Variants in UBE2R2 observed in about 807,000 individuals in gnomAD.
The protein encoded by UBE2R2 is ubiquitin-conjugating enzyme E2 R2.
A neutral mutation model predicts 27.8 loss-of-function variants in UBE2R2; 1 was observed. That is an observed-to-expected ratio of 0.04 (90% CI 0.01 to 0.17). UBE2R2 has a LOEUF of 0.17. Among genes scored for constraint, UBE2R2 ranks in the 10% least tolerant of loss-of-function variants. The pLI is 1.00. For missense variants in UBE2R2, 100 were observed against 291.0 expected, an observed-to-expected ratio of 0.34 and a Z score of 4.78; for synonymous variants, 106 against 113.3, an observed-to-expected ratio of 0.94 and a Z score of 0.41.
At position 33,834,176 on chromosome 9, in the gene UBE2R2, C is replaced by T. The variant is rs945733195; in HGVS notation, c.177+16242C>T. On this transcript the variant is annotated intron_variant, in intron 1 of 4. Coordinates refer to ENST00000263228, the MANE Select transcript of UBE2R2 (RefSeq NM_017811.4). Reference sequence around the variant, plus strand: ...CTCAGTGGTTGTTTAGGTGTAGTGACGGATTCTTGGAGCTTCTTTTTTTTT... The same window carrying T: ...CTCAGTGGTTGTTTAGGTGTAGTGATGGATTCTTGGAGCTTCTTTTTTTTT... 3.3e-5 allele frequency among the ~76,000 whole-genome samples: 5 copies of T among 149,308 alleles called. No homozygotes were observed. The East Asian group carries it at 7.8e-4, about 23-fold the overall frequency.
chr9:33,840,496 T>A (rs937265452), intron 1 of UBE2R2, among the ~76,000 whole-genome samples: 14 of 152,244 alleles, frequency 9.2e-5, no homozygotes, highest in Non-Finnish European at 1.9e-4. Flanking sequence ...TACACTCATG[T>A]TGCATCTTTC....
intron 1 of UBE2R2, among the ~76,000 whole-genome samples, chr9:33,856,340 T>C (rs1194686736): frequency 6.6e-6 from 1 of 152,212 alleles, no homozygotes. Flanking sequence ...ACTAGGCTTA[T>C]GATGTGAAAC....
chr9:33,914,760 CAG>C (rs988855323), intron 4 of UBE2R2, among the ~76,000 whole-genome samples: 1 of 150,908 alleles, frequency 6.6e-6, no homozygotes, highest in African/African-American at 2.4e-5. Flanking sequence ...ACCCGGGAGG[CAG>C]AGGTTGCAGT....
rs189268819 is a variant in UBE2R2, at chr9:33,823,857, G to A, written c.177+5923G>A. Reference sequence around the variant, plus strand: ...AAGGTATTTGGATAGGCAACTTAAAGACAATTTTAAACAGCTCCTTTAAAA... The same window carrying A: ...AAGGTATTTGGATAGGCAACTTAAAAACAATTTTAAACAGCTCCTTTAAAA... On this transcript the variant is annotated intron_variant, in intron 1 of 4. Transcript: ENST00000263228. Among the ~76,000 whole-genome samples, 4 of 152,308 alleles carry A rather than the reference G, an allele frequency of 2.6e-5. No individual in the cohort carries two copies. In the East Asian group the frequency reaches 5.8e-4, roughly 22 times the overall value.
At chr9:33,835,109 A>G (rs899791597) in intron 1 of UBE2R2, among the ~76,000 whole-genome samples, 1 of 146,384 alleles carries the variant, frequency 6.8e-6, no homozygotes, top group African/African-American at 2.5e-5. Flanking sequence ...TGTTTTAGCT[A>G]TCTTTTCATG....
chr9:33,815,348 A>C (rs1351746145), upstream of UBE2R2, among the ~76,000 whole-genome samples: 1 of 152,232 alleles, frequency 6.6e-6, no homozygotes, highest in Non-Finnish European at 1.5e-5. Flanking sequence ...TAGCTCATTA[A>C]TTGTAATACA....
chr9:33,902,344 C>T lies in UBE2R2; in HGVS notation c.362+2073C>T, dbSNP rs188554524. Among the ~76,000 whole-genome samples, 6 of 152,270 alleles carry T rather than the reference C, an allele frequency of 3.9e-5. No individual in the cohort carries two copies. The East Asian group carries it at 5.8e-4, about 15-fold the overall frequency. On this transcript the variant is annotated intron_variant, in intron 3 of 4. Transcript: ENST00000263228. ...GGATTACAGGTGCTCACACTACACC[C>T]GCCTTCTGAATCTCTTATCTATACA...
At chr9:33,914,521 G>A (rs1186693748) in intron 4 of UBE2R2, among the ~76,000 whole-genome samples, 1 of 152,150 alleles carries the variant, frequency 6.6e-6, no homozygotes, top group Non-Finnish European at 1.5e-5. Context: ...GGGAAGAGGT[G>A]ATGCTATTTG....
At chr9:33,896,817 G>T (rs985922578) in intron 2 of UBE2R2, among the ~76,000 whole-genome samples, 3 of 151,652 alleles carry the variant, frequency 2.0e-5, no homozygotes, top group Non-Finnish European at 2.9e-5. Context: ...CTTTCTGATT[G>T]TTTTTATCAT....
At chr9:33,899,815 A>G (rs866054731) in intron 2 of UBE2R2, among the ~76,000 whole-genome samples, 6 of 152,184 alleles carry the variant, frequency 3.9e-5, no homozygotes, top group East Asian at 1.9e-4. Context: ...ATTTTTTATC[A>G]GGATTGTACT....
intron 3 of UBE2R2, among the ~76,000 whole-genome samples, chr9:33,901,692 T>A (rs1286821180): frequency 6.6e-6 from 1 of 152,220 alleles, no homozygotes; most frequent in Admixed American, 6.5e-5. Context: ...ATGTGTCAAA[T>A]GACTGTTGAT....
chr9:33,914,196 TTATACC>T (rs1159313908), intron 4 of UBE2R2, among the ~76,000 whole-genome samples: 1 of 152,202 alleles, frequency 6.6e-6, no homozygotes, highest in Non-Finnish European at 1.5e-5. Flanking sequence ...CCATGTAGTA[TTATACC>T]TATAGAAGCC....
At chr9:33,845,343 T>C (rs1820820860) in intron 1 of UBE2R2, among the ~76,000 whole-genome samples, 2 of 151,570 alleles carry the variant, frequency 1.3e-5, no homozygotes, top group African/African-American at 4.8e-5. Flanking sequence ...GCCTCCCGGG[T>C]TCACGCCATT....
intron 1 of UBE2R2, among the ~76,000 whole-genome samples, chr9:33,857,445 A>C (rs945311713): frequency 1.3e-5 from 2 of 151,896 alleles, no homozygotes; most frequent in Non-Finnish European, 2.9e-5. Context: ...CAACTTCCCA[A>C]GTAGCTGGAA....
chr9:33,846,446 A>G (rs1587440926), intron 1 of UBE2R2, among the ~76,000 whole-genome samples: 1 of 152,162 alleles, frequency 6.6e-6, no homozygotes, highest in Non-Finnish European at 1.5e-5. Flanking sequence ...ATGCTTTGTC[A>G]TCTAATTTGA....
At chr9:33,833,012 T>C (rs1390705414) in intron 1 of UBE2R2, among the ~76,000 whole-genome samples, 2 of 152,196 alleles carry the variant, frequency 1.3e-5, no homozygotes, top group East Asian at 3.8e-4. Context: ...AGAGTTATTA[T>C]TTGTGTGGTA....
chr9:33,893,788 C>T (rs550867159), intron 2 of UBE2R2, among the ~76,000 whole-genome samples: 8 of 152,092 alleles, frequency 5.3e-5, no homozygotes, highest in South Asian at 2.1e-4. Context: ...TGCACCACCA[C>T]GCCCAGCTAT....
chr9:33,868,843 C>T (rs1425419183), intron 1 of UBE2R2, among the ~76,000 whole-genome samples: 1 of 152,202 alleles, frequency 6.6e-6, no homozygotes, highest in African/African-American at 2.4e-5. Context: ...ACAGTAACCA[C>T]TACATTTGCC....
chr9:33,858,402 ATAGAG>A (rs879556627), intron 1 of UBE2R2, among the ~76,000 whole-genome samples: 1 of 152,158 alleles, frequency 6.6e-6, no homozygotes, highest in Non-Finnish European at 1.5e-5. Context: ...GTAATCTATA[ATAGAG>A]TATAGATGTT....
Sources: allele counts gnomAD v4.1 joint callset (sites outside exome capture counted in the v4.1 genomes callset), GRCh38; gene constraint gnomAD v4.1.1; transcripts MANE v1.5; gene names NCBI Gene and HGNC (gene_info 2026-07-23, HGNC 2026-07-21).